SMIM7: variants seen among roughly 807,000 people sequenced by gnomAD.
SMIM7 encodes the protein small integral membrane protein 7.
In SMIM7, 12 loss-of-function variants were observed where a neutral mutation model predicts 13.3. The ratio of observed to expected loss-of-function variants is 0.90; its 90% CI spans 0.58 to 1.46. The LOEUF (loss-of-function observed/expected upper bound fraction) is 1.46. SMIM7 is among the 40% of genes most tolerant of loss of function. The pLI is 0.00. For missense variants in SMIM7, 114 were observed against 94.8 expected (o/e 1.20, Z -0.84); for synonymous variants, 36 against 35.8 (o/e 1.01, Z -0.02).
Position 16,635,899 on chromosome 19 carries a change from AATAT to A in SMIM7, c.*138-4179_*138-4176del, listed in dbSNP as rs1170352437. On this transcript the variant is annotated intron_variant and NMD_transcript_variant, in intron 4 of 4. Coordinates refer to the SMIM7 transcript ENST00000465250. The stretch of plus-strand genomic sequence containing the variant: ...ACCCTGTCTCAAAAAAAAAAAAAAA[AATAT>A]ATATATATATATATATATATGTATG... Among the ~76,000 whole-genome samples, 83 of 109,554 alleles carry A rather than the reference AATAT, an allele frequency of 7.6e-4. 1 individual carries two copies. The highest frequency in any genetic ancestry group is 1.1e-3 in the Admixed American group (12 of 10,558). The allele number at this position is 109,554 out of a possible 152,430, so 71.9% of individuals were successfully genotyped here. A position where few individuals can be genotyped will look rare whatever the true frequency, so the allele number is the denominator to read the frequency against.
chr19:16,632,604 C>T (rs2086329976), intron 4 of SMIM7, among the ~76,000 whole-genome samples: 1 of 145,310 alleles, frequency 6.9e-6, no homozygotes, highest in East Asian at 2.0e-4. Flanking sequence ...ATGGTGCCAT[C>T]TGGGCTCACC....
chr19:16,655,662 C>CACAGCA (rs1290488960), intron 3 of SMIM7, among the ~76,000 whole-genome samples: 1 of 114,304 alleles, frequency 8.7e-6, no homozygotes, highest in Non-Finnish European at 1.6e-5. Flanking sequence ...GCCTGGGTGA[C>CACAGCA]ACAGCAAGAC....
chr19:16,651,404 G>C (rs2086522780), intron 4 of SMIM7, among the ~76,000 whole-genome samples: 1 of 152,220 alleles, frequency 6.6e-6, no homozygotes, highest in Non-Finnish European at 1.5e-5. Flanking sequence ...CTTGACCTAA[G>C]TGGTTATGGC....
At chr19:16,642,668 T>C (rs1227812244), downstream of SMIM7, among the ~76,000 whole-genome samples, 4 of 152,070 alleles carry the variant, frequency 2.6e-5, no homozygotes, top group South Asian at 2.1e-4. Context: ...AGGGAGACCC[T>C]GTCTCTCCCA....
chr19:16,644,118 G>GTTTTT (rs557600997), downstream of SMIM7, among the ~76,000 whole-genome samples: 207 of 85,378 alleles, frequency 2.4e-3, 2 homozygotes, highest in Non-Finnish European at 3.0e-3. Flanking sequence ...AATTGTTTGC[G>GTTTTT]TTTTTTTTTT....
At chr19:16,654,845 A>G (rs559429274) in intron 3 of SMIM7, among the ~76,000 whole-genome samples, 1 of 152,282 alleles carries the variant, frequency 6.6e-6, no homozygotes, top group Admixed American at 6.5e-5. Context: ...AGCAGAGCTG[A>G]GTCACATTGT....
chr19:16,659,821 G>A, intron 2 of SMIM7, 138 bp downstream of exon 2: 2 of 1,135,898 alleles, frequency 1.8e-6, no homozygotes, highest in South Asian at 1.3e-5. Context: ...AAACCAGGCT[G>A]GAGGCGTGCC....
intron 3 of SMIM7, among the ~76,000 whole-genome samples, chr19:16,657,208 G>C (rs2086607766): frequency 6.6e-6 from 1 of 152,214 alleles, no homozygotes; most frequent in African/African-American, 2.4e-5. Flanking sequence ...GCAAAGAGCA[G>C]CTCCCACAGG....
intron 4 of SMIM7, among the ~76,000 whole-genome samples, chr19:16,637,352 C>G (rs2086367460): frequency 6.6e-6 from 1 of 151,790 alleles, no homozygotes; most frequent in South Asian, 2.1e-4. Context: ...CTCGTCTCTA[C>G]AAAAAAATAC....
intron 3 of SMIM7, among the ~76,000 whole-genome samples, chr19:16,654,680 C>G (rs775250817): frequency 4.6e-5 from 7 of 151,792 alleles, no homozygotes; most frequent in Non-Finnish European, 8.8e-5. Context: ...CCATACCCGG[C>G]TGGTTTTTAC....
chr19:16,634,241 A>T (rs1240526501), intron 4 of SMIM7: 1 of 152,132 alleles, frequency 6.6e-6, no homozygotes, highest in Non-Finnish European at 1.5e-5. Flanking sequence ...AGGACCTACG[A>T]TGTGTCAGGG....
intron 4 of SMIM7, chr19:16,631,726 TGA>T (rs1410871601): frequency 2.0e-5 from 3 of 152,170 alleles, no homozygotes; most frequent in East Asian, 1.9e-4. Context: ...AGCAAGCCCC[TGA>T]GAGACAGGCC....
At chr19:16,648,627 C>T (rs1568302694) in intron 4 of SMIM7, among the ~76,000 whole-genome samples, 1 of 152,310 alleles carries the variant, frequency 6.6e-6, no homozygotes, top group Admixed American at 6.5e-5. Context: ...CTTAAGAAGA[C>T]ATTTCCTCAA....
chr19:16,659,755 C>A, intron 2 of SMIM7: 1 of 700,254 alleles, frequency 1.4e-6, no homozygotes, highest in Non-Finnish European at 2.4e-6. Context: ...GAGGGACAAC[C>A]AAGGAACGGA....
chr19:16,653,260 T>TA (rs2086552041), intron 4 of SMIM7, among the ~76,000 whole-genome samples: 2 of 152,148 alleles, frequency 1.3e-5, no homozygotes, highest in African/African-American at 4.8e-5. Flanking sequence ...CCCCTTCAGA[T>TA]ACTGGTTCCC....
At chr19:16,639,022 A>G (rs1334476562) in intron 4 of SMIM7, 1 of 152,188 alleles carries the variant, frequency 6.6e-6, no homozygotes, top group Non-Finnish European at 1.5e-5. Flanking sequence ...CCCTTGGCAC[A>G]GTCCACACTC....
intron 4 of SMIM7, among the ~76,000 whole-genome samples, chr19:16,632,828 G>A (rs1014971793): frequency 5.3e-5 from 8 of 152,180 alleles, no homozygotes; most frequent in African/African-American, 1.7e-4. Flanking sequence ...CACCATGCCC[G>A]GCCAACTGGG....
At chr19:16,635,078 G>T (rs912455789) in intron 4 of SMIM7, 1 of 151,950 alleles carries the variant, frequency 6.6e-6, no homozygotes, top group Non-Finnish European at 1.5e-5. Flanking sequence ...AGTCCAGCCC[G>T]TGGCCGGGCA....
exon 5 of SMIM7, chr19:16,631,497 T>G (rs1004471960): frequency 6.6e-6 from 1 of 152,230 alleles, no homozygotes; most frequent in Non-Finnish European, 1.5e-5. Context: ...GGAGGTCAAG[T>G]GCAGAGCATC....
Sources: allele counts gnomAD v4.1 joint callset (sites outside exome capture counted in the v4.1 genomes callset), GRCh38; gene constraint gnomAD v4.1.1; transcripts MANE v1.5; gene names NCBI Gene and HGNC (gene_info 2026-07-23, HGNC 2026-07-21).